Variants in UBASH3B observed in about 807,000 individuals in gnomAD.
UBASH3B encodes ubiquitin associated and SH3 domain containing B, also known as ubiquitin-associated and SH3 domain-containing protein B.
Under a neutral mutation model 83.4 loss-of-function variants are expected in UBASH3B, and 37 were observed. The observed-to-expected ratio is 0.44, with a 90% CI of 0.34 to 0.58. UBASH3B has a LOEUF of 0.58. UBASH3B is among the 20% of genes least tolerant of loss of function. The probability of loss-of-function intolerance (pLI) is 0.01; values close to 1 mark genes in which losing one functional copy is unlikely to be tolerated. For missense variants in UBASH3B, 657 were observed against 827.2 expected (o/e 0.79, Z 2.52); for synonymous variants, 304 against 318.3 (o/e 0.96, Z 0.48).
In UBASH3B at chr11:122,721,012, G is replaced by A. The variant is rs1369611744; in HGVS notation, c.162-55207G>A. Among the ~76,000 whole-genome samples the A allele has an allele frequency of 7.9e-5, 12 of 152,014 alleles. No homozygotes were observed. The East Asian group carries it at 1.7e-3, about 22-fold the overall frequency. ...TGTAATCCCAGCACTTTGGGAGGCC[G>A]AGGTGGGCAGATCACAAGGTCAGGA... is the stretch of plus-strand genomic sequence containing the variant. On this transcript the variant is annotated intron_variant, in intron 1 of 13. Coordinates refer to ENST00000284273, the MANE Select transcript of UBASH3B (RefSeq NM_032873.5).
rs1366505818 is a variant in UBASH3B, at chr11:122,656,035, G to A, written c.-15G>A. 3 of 1,565,370 alleles carry A rather than the reference G, an allele frequency of 1.9e-6. No individual in the cohort carries two copies. The highest frequency in any genetic ancestry group is 2.5e-5 in the East Asian group (1 of 40,558). ...GGCTCGGGCTCCTTCCCTGGCGATGGCTGGCCGCTGAGCCATGGCTCAGTA... is the reference window on the plus strand; with the variant it reads ...GGCTCGGGCTCCTTCCCTGGCGATGACTGGCCGCTGAGCCATGGCTCAGTA... On this transcript the variant is annotated 5_prime_UTR_variant, in exon 1 of 14. Coordinates refer to ENST00000284273, the MANE Select transcript of UBASH3B (RefSeq NM_032873.5).
intron 1 of UBASH3B, among the ~76,000 whole-genome samples, chr11:122,669,159 A>C (rs747835370): frequency 4.6e-5 from 7 of 152,202 alleles, no homozygotes; most frequent in Non-Finnish European, 8.8e-5. Context: ...TTACAACAAC[A>C]CACATGCATT....
chr11:122,790,831 G>C (rs1591815448), intron 6 of UBASH3B, among the ~76,000 whole-genome samples: 6 of 151,960 alleles, frequency 3.9e-5, no homozygotes. Context: ...TACACCTGTA[G>C]TCCCAGCTAC....
chr11:122,666,420 G>C (rs1045860104), intron 1 of UBASH3B, among the ~76,000 whole-genome samples: 1 of 148,234 alleles, frequency 6.7e-6, no homozygotes, highest in Non-Finnish European at 1.5e-5. Flanking sequence ...TTTGTTTTTT[G>C]TTTTGTTTTT....
intron 5 of UBASH3B, among the ~76,000 whole-genome samples, chr11:122,785,639 A>C (rs373368077): frequency 7.3e-4 from 111 of 152,330 alleles, no homozygotes; most frequent in African/African-American, 2.5e-3. Flanking sequence ...AGGGTGATCC[A>C]AAAAGCATCA....
At chr11:122,713,202 C>T (rs993260552) in intron 1 of UBASH3B, among the ~76,000 whole-genome samples, 30 of 152,238 alleles carry the variant, frequency 2.0e-4, no homozygotes, top group South Asian at 6.2e-4. Context: ...CCACTGCACC[C>T]GGCCCAGTGT....
intron 1 of UBASH3B, among the ~76,000 whole-genome samples, chr11:122,658,778 T>G (rs1863396185): frequency 6.6e-6 from 1 of 152,220 alleles, no homozygotes; most frequent in African/African-American, 2.4e-5. Flanking sequence ...TGGCACATAG[T>G]GAGCAATCGT....
intron 1 of UBASH3B, among the ~76,000 whole-genome samples, chr11:122,742,916 G>A (rs776373847): frequency 2.0e-5 from 3 of 152,168 alleles, no homozygotes; most frequent in Non-Finnish European, 2.9e-5. Flanking sequence ...CCTGAACACC[G>A]CCTGAGCTTG....
Position 122,672,309 on chromosome 11 carries a change from G to A in UBASH3B, c.161+16099G>A, listed in dbSNP as rs565734193. Among the ~76,000 whole-genome samples, 30 of 152,004 alleles carry A rather than the reference G, an allele frequency of 2.0e-4. No homozygotes were observed. In the South Asian group the frequency reaches 5.8e-3, roughly 30 times the overall value. ...GTGAAAGGGCTGTCAACTGAAAAAC[G>A]GATGCCTATTTTGTGAACTTTTTTT... On this transcript the variant is annotated intron_variant, in intron 1 of 13. Transcript: ENST00000284273.
Position 122,768,443 on chromosome 11 carries a change from AAAAG to A in UBASH3B, c.162-7772_162-7769del, listed in dbSNP as rs543845618. Among the ~76,000 whole-genome samples the A allele has an allele frequency of 1.6e-3, 246 of 150,774 alleles. 2 individuals carry two copies. The highest frequency in any genetic ancestry group is 5.9e-3 in the African/African-American group (243 of 40,950). ...TCATATATATATATGAGTATATTAAAAAAGAAAAAGATAGAGATATATATGTATG... is the reference window on the plus strand; with the variant it reads ...TCATATATATATATGAGTATATTAAAAAAAAGATAGAGATATATATGTATG... On this transcript the variant is annotated intron_variant, in intron 1 of 13. Transcript: ENST00000284273.
At chr11:122,808,232 A>T in intron 13 of UBASH3B, 56 bp downstream of exon 13, 1 of 1,352,172 alleles carries the variant, frequency 7.4e-7, no homozygotes, top group Non-Finnish European at 1.1e-6. Context: ...AAGTCAGTAC[A>T]GTGACTGGCT....
chr11:122,732,891 C>T (rs939664113), intron 1 of UBASH3B, among the ~76,000 whole-genome samples: 1 of 152,190 alleles, frequency 6.6e-6, no homozygotes, highest in African/African-American at 2.4e-5. Flanking sequence ...GTGGCAGAAT[C>T]CTACCTGCCT....
At chr11:122,792,355 G>A (rs1591816087) in intron 6 of UBASH3B, among the ~76,000 whole-genome samples, 1 of 129,832 alleles carries the variant, frequency 7.7e-6, no homozygotes, top group African/African-American at 2.9e-5. Context: ...GTCTCACTCT[G>A]TTGCCCAGGC....
intron 1 of UBASH3B, among the ~76,000 whole-genome samples, chr11:122,742,943 G>GT (rs1861050206): frequency 1.3e-5 from 2 of 152,196 alleles, no homozygotes; most frequent in East Asian, 3.9e-4. Context: ...GCCGGCTAGA[G>GT]TTTTTTGTGT....
chr11:122,756,764 C>G (rs184878862), intron 1 of UBASH3B, among the ~76,000 whole-genome samples: 2 of 152,278 alleles, frequency 1.3e-5, no homozygotes, highest in African/African-American at 4.8e-5. Flanking sequence ...TAGGCTGCTC[C>G]CTATGAAGGG....
intron 1 of UBASH3B, among the ~76,000 whole-genome samples, chr11:122,709,013 G>A (rs989656049): frequency 2.6e-5 from 4 of 152,228 alleles, no homozygotes; most frequent in East Asian, 1.9e-4. Flanking sequence ...TTGGGAGGCT[G>A]AGGCTGGCAG....
At position 122,796,811 on chromosome 11, in the gene UBASH3B, G is replaced by C. The variant is rs147849057; in HGVS notation, c.1235-100G>C. 100 of 1,534,032 alleles carry C rather than the reference G, an allele frequency of 6.5e-5. 1 individual carries two copies. In the African/African-American group the frequency reaches 1.3e-3, roughly 20 times the overall value. ...CCAGAGAGCTCAGTGTGATCTCTTT[G>C]GCCAAGAAGGAATGGGGGTGGAGAG... On this transcript the variant is annotated intron_variant, in intron 8 of 13. Coordinates refer to ENST00000284273, the MANE Select transcript of UBASH3B (RefSeq NM_032873.5).
chr11:122,756,804 T>A (rs1861290122), intron 1 of UBASH3B, among the ~76,000 whole-genome samples: 1 of 152,140 alleles, frequency 6.6e-6, no homozygotes, highest in Non-Finnish European at 1.5e-5. Context: ...AAATTAACAC[T>A]GGACCAAAGA....
At chr11:122,721,221 G>A (rs1018963183) in intron 1 of UBASH3B, among the ~76,000 whole-genome samples, 38 of 142,738 alleles carry the variant, frequency 2.7e-4, no homozygotes, top group Non-Finnish European at 5.1e-4. Flanking sequence ...CTCCAGTCTG[G>A]GCAACAGAGC....
Sources: gnomAD v4.1 joint callset for allele counts (sites outside exome capture counted in the v4.1 genomes callset) on GRCh38, gnomAD v4.1.1 for gene constraint, MANE v1.5 for transcripts, NCBI Gene and HGNC (gene_info 2026-07-23, HGNC 2026-07-21) for gene names.